SCRG1: variants seen among roughly 807,000 people sequenced by gnomAD.
The protein encoded by SCRG1 is stimulator of chondrogenesis 1.
SCRG1 carries 3 observed loss-of-function variants against 7.7 expected under a neutral mutation model. The ratio of observed to expected loss-of-function variants is 0.39; its 90% CI spans 0.18 to 1.01. The LOEUF is 1.01. SCRG1 is among the 50% of genes least tolerant of loss of function. SCRG1 has a pLI of 0.36. For missense variants in SCRG1, 110 were observed against 117.2 expected, an observed-to-expected ratio of 0.94 and a Z score of 0.28; for synonymous variants, 46 against 41.2, an observed-to-expected ratio of 1.12 and a Z score of -0.44.
At chr4:173,434,419 T>C in the SCRG1 span, among the ~76,000 whole-genome samples, 1 of 152,172 alleles carries the variant, frequency 6.6e-6, no homozygotes, top group Non-Finnish European at 1.5e-5. Flanking sequence ...AACCACATAT[T>C]TGAAGAAAGG....
the SCRG1 span, among the ~76,000 whole-genome samples, chr4:173,501,589 G>A: frequency 2.0e-5 from 3 of 152,132 alleles, no homozygotes; most frequent in Non-Finnish European, 4.4e-5. This position sits in a 1 kb window ranked among gnomAD's most constrained non-coding sequence, Gnocchi z 5.1. Flanking sequence ...TGGGGTGTCT[G>A]GATTCAGAAG....
At chr4:173,445,074 G>T in the SCRG1 span, among the ~76,000 whole-genome samples, 1 of 149,152 alleles carries the variant, frequency 6.7e-6, no homozygotes, top group African/African-American at 2.4e-5. Flanking sequence ...TTCTGATAAA[G>T]AATACAGTGC....
the SCRG1 span, among the ~76,000 whole-genome samples, chr4:173,486,446 T>C: frequency 1.3e-5 from 2 of 152,184 alleles, no homozygotes; most frequent in Non-Finnish European, 2.9e-5. Flanking sequence ...AAACAGCCCT[T>C]TTCATCATCT....
chr4:173,482,565 C>T, the SCRG1 span, among the ~76,000 whole-genome samples: 1 of 152,038 alleles, frequency 6.6e-6, no homozygotes, highest in African/African-American at 2.4e-5. Context: ...TGTCTGTAAT[C>T]CTAGAAGTTT....
At chr4:173,420,256 C>T in the SCRG1 span, 2 of 254,592 alleles carry the variant, frequency 7.9e-6, no homozygotes, top group Non-Finnish European at 1.6e-5. Flanking sequence ...ACTTTTTTCT[C>T]TTTTTGAAAA....
intron 1 of SCRG1, among the ~76,000 whole-genome samples, chr4:173,405,270 G>T (rs1461242620): frequency 6.6e-6 from 1 of 152,096 alleles, no homozygotes; most frequent in Non-Finnish European, 1.5e-5. Flanking sequence ...GGTTAAACTT[G>T]GGTTATGTGT....
At chr4:173,459,609 A>T in the SCRG1 span, among the ~76,000 whole-genome samples, 1 of 152,254 alleles carries the variant, frequency 6.6e-6, no homozygotes, top group Admixed American at 6.5e-5. Context: ...TTACAGCTAC[A>T]GCCAATCTAA....
At chr4:173,465,688 T>C in the SCRG1 span, among the ~76,000 whole-genome samples, 1 of 151,656 alleles carries the variant, frequency 6.6e-6, no homozygotes, top group Non-Finnish European at 1.5e-5. Context: ...ATAGATTTTA[T>C]ATATAGATAA....
the SCRG1 span, among the ~76,000 whole-genome samples, chr4:173,443,336 G>T: frequency 6.6e-6 from 1 of 152,122 alleles, no homozygotes; most frequent in South Asian, 2.1e-4. Flanking sequence ...CTTGTATTAT[G>T]CAATGATTAA....
the SCRG1 span, among the ~76,000 whole-genome samples, chr4:173,508,422 AC>A: frequency 1.3e-5 from 2 of 152,124 alleles, no homozygotes; most frequent in Admixed American, 1.3e-4. This position sits in a 1 kb window ranked among gnomAD's most constrained non-coding sequence, Gnocchi z 4.4. Context: ...ATATGCCCAC[AC>A]TTTGACAGTA....
chr4:173,485,109 T>TATATAA, the SCRG1 span, among the ~76,000 whole-genome samples: 1 of 14,470 alleles, frequency 6.9e-5, no homozygotes. Context: ...ATATTATATA[T>TATATAA]TATATAATAT....
chr4:173,485,017 A>ATATAT, the SCRG1 span, among the ~76,000 whole-genome samples: 3 of 27,372 alleles, frequency 1.1e-4, no homozygotes, highest in African/African-American at 4.2e-4. Flanking sequence ...ATAATATATA[A>ATATAT]TATATAATAT....
chr4:173,485,475 T>C, the SCRG1 span, among the ~76,000 whole-genome samples: 4 of 151,386 alleles, frequency 2.6e-5, no homozygotes, highest in African/African-American at 7.3e-5. Flanking sequence ...GCCTGAGTGA[T>C]CCCAGACAAA....
At chr4:173,455,858 G>A in the SCRG1 span, among the ~76,000 whole-genome samples, 7 of 152,192 alleles carry the variant, frequency 4.6e-5, no homozygotes, top group Admixed American at 3.9e-4. Context: ...CTTGGGAGCA[G>A]TCGAAGGAAT....
At chr4:173,454,469 TG>T in the SCRG1 span, among the ~76,000 whole-genome samples, 12 of 152,216 alleles carry the variant, frequency 7.9e-5, no homozygotes, top group African/African-American at 2.9e-4. Flanking sequence ...TTTTTCCACA[TG>T]GGATATATAC....
At chr4:173,505,500 T>C in the SCRG1 span, among the ~76,000 whole-genome samples, 1 of 151,456 alleles carries the variant, frequency 6.6e-6, no homozygotes, top group Admixed American at 6.6e-5. The surrounding 1 kb of genome is among the most constrained non-coding windows in gnomAD (Gnocchi z 4.4). Context: ...AAGGGGAGAG[T>C]AGCTAGACAG....
chr4:173,516,709 T>G, the SCRG1 span, among the ~76,000 whole-genome samples: 1 of 152,326 alleles, frequency 6.6e-6, no homozygotes, highest in South Asian at 2.1e-4. Context: ...AAAGGCTTTT[T>G]GACCCCTGTG....
rs866138744 is a variant in SCRG1, at chr4:173,391,289, CG to C, written c.125del (p.Pro42ArgfsTer4). The C allele has an allele frequency of 2.5e-6, 4 of 1,614,036 alleles. No homozygotes were observed. In the African/African-American group the frequency reaches 5.3e-5, roughly 22 times the overall value. ...TCTGTGTCAGGTCAGCTACTCCTTC[CG>C]GAAGGTTGTGACAGTTGTGATCTTT... ...ILKDHNCHNL[P>X]EGVADLTQID... On this transcript the variant is annotated frameshift_variant, in exon 2 of 3. Coordinates refer to ENST00000296506, the MANE Select transcript of SCRG1 (RefSeq NM_007281.4). LOFTEE classifies it high-confidence loss of function.
At position 173,384,862 on chromosome 4, in the gene SCRG1, A is replaced by G. The variant is rs923748269; in HGVS notation, c.*3479T>C. The stretch of plus-strand genomic sequence containing the variant: ...TACTTGTTCAGTAAGCTTTTAGCAT[A>G]TATGAGCTATCTGAAATGTACAATT... On this transcript the variant is annotated 3_prime_UTR_variant, in exon 3 of 3. Coordinates refer to ENST00000296506, the MANE Select transcript of SCRG1 (RefSeq NM_007281.4). 1.3e-5 allele frequency: 2 copies of G among 152,242 alleles called. No homozygotes were observed. The highest frequency in any genetic ancestry group is 2.9e-5 in the Non-Finnish European group (2 of 68,032). The allele number at this position is 152,242 out of a possible 1,614,324, so 9.4% of individuals were successfully genotyped here.
Sources: gnomAD v4.1 joint callset for allele counts (sites outside exome capture counted in the v4.1 genomes callset) on GRCh38, gnomAD v4.1.1 for gene constraint, Gnocchi (gnomAD v3.1) non-coding constraint, MANE v1.5 for transcripts, NCBI Gene and HGNC (gene_info 2026-07-23, HGNC 2026-07-21) for gene names.